The following FARS2 variants were observed in gnomAD, a reference collection of about 807,000 sequenced individuals.
The protein encoded by FARS2 is phenylalanine--tRNA ligase, mitochondrial.
Under a neutral mutation model 46.4 loss-of-function variants are expected in FARS2, and 40 were observed. The ratio of observed to expected loss-of-function variants is 0.86; its 90% CI spans 0.67 to 1.12. The LOEUF (loss-of-function observed/expected upper bound fraction) is 1.12. Ranked by LOEUF, FARS2 falls within the 50% of genes most tolerant of loss-of-function variation. The probability of loss-of-function intolerance (pLI) is 0.00; values close to 1 mark genes in which losing one functional copy is unlikely to be tolerated. For missense variants in FARS2, 513 were observed against 567.9 expected, an observed-to-expected ratio of 0.90 and a Z score of 0.98; for synonymous variants, 234 against 214.9, an observed-to-expected ratio of 1.09 and a Z score of -0.78.
Position 5,762,097 on chromosome 6 carries a change from G to A in FARS2, c.1218-9194G>A, listed in dbSNP as rs1762508277. Among the ~76,000 whole-genome samples the A allele has an allele frequency of 2.6e-5, 4 of 152,210 alleles. No homozygotes were observed. In the South Asian group the frequency reaches 8.3e-4, roughly 32 times the overall value. On this transcript the variant is annotated intron_variant, in intron 6 of 6. Coordinates refer to ENST00000274680, the MANE Select transcript of FARS2 (RefSeq NM_006567.5). ...ATCATATCAGTGATCCATCTGTACA[G>A]ACGAGGAAGTTGAGGCTCAGATAAT...
intron 6 of FARS2, among the ~76,000 whole-genome samples, chr6:5,623,180 A>G (rs1229155112): frequency 6.6e-6 from 1 of 152,206 alleles, no homozygotes; most frequent in Non-Finnish European, 1.5e-5. Context: ...AAAATTTAAG[A>G]CAGTTTCCAA....
At chr6:5,753,316 A>G (rs967992239) in intron 6 of FARS2, among the ~76,000 whole-genome samples, 2 of 152,142 alleles carry the variant, frequency 1.3e-5, no homozygotes, top group East Asian at 1.9e-4. Flanking sequence ...CCTCTCGGAC[A>G]TTTTTCTCTA....
intron 5 of FARS2, among the ~76,000 whole-genome samples, chr6:5,584,194 G>A (rs1773494929): frequency 6.6e-6 from 1 of 150,650 alleles, no homozygotes; most frequent in Admixed American, 6.6e-5. Context: ...CTGCCCGACA[G>A]CATAAGAAGT....
rs11393453 is a variant in FARS2, at chr6:5,456,730, C to CAAAA, written c.904+25573_904+25576dup. ...TGGGCAACACAGCGAGACTCCATCT[C>CAAAA]AAAAAAAAAAAAAAAAAAGAGATGG... is the stretch of plus-strand genomic sequence containing the variant. On this transcript the variant is annotated intron_variant, in intron 4 of 6. Coordinates refer to ENST00000274680, the MANE Select transcript of FARS2 (RefSeq NM_006567.5). Among the ~76,000 whole-genome samples the CAAAA allele has an allele frequency of 1.3e-3, 93 of 69,872 alleles. 5 individuals carry two copies. Among genetic ancestry groups the CAAAA allele is most frequent in the African/African-American group, 4.7e-3 (85 of 17,978 alleles). 45.8% of individuals were successfully genotyped at this position (69,872 alleles called of 152,430 possible).
intron 6 of FARS2, among the ~76,000 whole-genome samples, chr6:5,722,616 G>A (rs1219802650): frequency 6.6e-6 from 1 of 152,208 alleles, no homozygotes; most frequent in Non-Finnish European, 1.5e-5. Flanking sequence ...GCTGAGCATG[G>A]TGAGGAGGGG....
intron 6 of FARS2, among the ~76,000 whole-genome samples, chr6:5,672,012 G>A (rs913890695): frequency 6.6e-6 from 1 of 152,168 alleles, no homozygotes; most frequent in African/African-American, 2.4e-5. Flanking sequence ...TCTCCATTCT[G>A]GAAATATGTG....
chr6:5,428,613 C>A (rs186643658), intron 3 of FARS2, among the ~76,000 whole-genome samples: 2 of 152,302 alleles, frequency 1.3e-5, no homozygotes, highest in African/African-American at 4.8e-5. Flanking sequence ...CACTCACTTC[C>A]ATGTCCCAAG....
At chr6:5,393,370 G>A (rs533802556) in intron 2 of FARS2, among the ~76,000 whole-genome samples, 1 of 152,012 alleles carries the variant, frequency 6.6e-6, no homozygotes, top group Non-Finnish European at 1.5e-5. Flanking sequence ...GATGACAAGT[G>A]CTTTGGCCGG....
chr6:5,478,102 T>G (rs200378553), intron 4 of FARS2, among the ~76,000 whole-genome samples: 2 of 122,406 alleles, frequency 1.6e-5, no homozygotes, highest in Non-Finnish European at 3.5e-5. Context: ...CACTTAGTGC[T>G]TGGCACATAT....
At position 5,391,756 on chromosome 6, in the gene FARS2, A is replaced by G. The variant is rs140279888; in HGVS notation, c.613-12786A>G. On this transcript the variant is annotated intron_variant, in intron 2 of 6. Transcript: ENST00000274680. ...TTCTGTGCCCTTTAAATGTGTGTTT[A>G]AAATCTAGACCTTTTGGGAAAATCT... Among the ~76,000 whole-genome samples, 5 of 152,336 alleles carry G rather than the reference A, an allele frequency of 3.3e-5. No individual in the cohort carries two copies. In the East Asian group the frequency reaches 9.6e-4, roughly 29 times the overall value.
intron 6 of FARS2, among the ~76,000 whole-genome samples, chr6:5,655,180 C>T (rs1777551989): frequency 6.6e-6 from 1 of 152,164 alleles, no homozygotes; most frequent in Admixed American, 6.5e-5. Context: ...ACCGTATATG[C>T]TTTTCTCTCC....
At chr6:5,723,990 G>A (rs1003042900) in intron 6 of FARS2, among the ~76,000 whole-genome samples, 8 of 125,282 alleles carry the variant, frequency 6.4e-5, no homozygotes, top group Middle Eastern at 4.3e-3. Context: ...GCTGTCCACC[G>A]CACAGGGGCT....
chr6:5,350,169 ATTTT>A (rs57211565), intron 1 of FARS2, among the ~76,000 whole-genome samples: 6 of 131,704 alleles, frequency 4.6e-5, no homozygotes, highest in Admixed American at 7.8e-5. Context: ...TGCCTGGCAA[ATTTT>A]TTTTTTTTTT....
chr6:5,495,382 G>A (rs1261197056), intron 4 of FARS2, among the ~76,000 whole-genome samples: 1 of 152,132 alleles, frequency 6.6e-6, no homozygotes, highest in Non-Finnish European at 1.5e-5. Flanking sequence ...AAACCCCTGT[G>A]CTCCCAGTGG....
intron 2 of FARS2, among the ~76,000 whole-genome samples, chr6:5,383,455 C>A (rs541456989): frequency 6.6e-6 from 1 of 152,148 alleles, no homozygotes; most frequent in African/African-American, 2.4e-5. Flanking sequence ...TTTGAGCTAG[C>A]GAAACGAGAG....
At position 5,695,980 on chromosome 6, in the gene FARS2, C is replaced by G. The variant is rs867804656; in HGVS notation, c.1218-75311C>G. On this transcript the variant is annotated intron_variant, in intron 6 of 6. Transcript: ENST00000274680. ...ATGGGACAGGATGCTCAGCCTCACT[C>G]ATGATTAGAGAAATACAAATTATTT... is the stretch of plus-strand genomic sequence containing the variant. Among the ~76,000 whole-genome samples the G allele has an allele frequency of 1.8e-4, 27 of 152,312 alleles. 1 individual carries two copies. The highest frequency in any genetic ancestry group is 6.0e-4 in the African/African-American group (25 of 41,576).
chr6:5,592,832 G>C (rs2150608000), intron 5 of FARS2, among the ~76,000 whole-genome samples: 1 of 152,328 alleles, frequency 6.6e-6, no homozygotes, highest in Middle Eastern at 3.4e-3. Context: ...ACGAGGCCCA[G>C]AGCGAGAAAA....
At chr6:5,419,420 A>G (rs1582049923) in intron 3 of FARS2, among the ~76,000 whole-genome samples, 1 of 152,114 alleles carries the variant, frequency 6.6e-6, no homozygotes, top group East Asian at 1.9e-4. Context: ...AGATTTGTCC[A>G]TATGTTTTAG....
the FARS2 span, among the ~76,000 whole-genome samples, chr6:5,253,018 T>C: frequency 6.6e-6 from 1 of 152,224 alleles, no homozygotes; most frequent in African/African-American, 2.4e-5. Context: ...CCAGCTCCTT[T>C]CTATGGCCTT....
Sources: allele counts gnomAD v4.1 joint callset (sites outside exome capture counted in the v4.1 genomes callset), GRCh38; gene constraint gnomAD v4.1.1; transcripts MANE v1.5; gene names NCBI Gene and HGNC (gene_info 2026-07-23, HGNC 2026-07-21).